The following DMD variants were observed in gnomAD, a reference collection of about 807,000 sequenced individuals.
DMD encodes the protein dystrophin, also known as mutant dystrophin.
In DMD, 63 loss-of-function variants were observed where a neutral mutation model predicts 330.1. The observed-to-expected ratio is 0.19, with a 90% CI of 0.16 to 0.24. DMD has a LOEUF of 0.24. Among genes scored for constraint, DMD ranks in the 10% least tolerant of loss-of-function variants. The pLI, the probability that DMD is intolerant of heterozygous loss-of-function variation, is 1.00. For synonymous variants in DMD, 1,223 were observed against 959.8 expected (o/e 1.27, Z -5.07); for missense variants, 3,344 against 2,684.1 (o/e 1.25, Z -5.43).
At chrX:31,153,102 G>C (rs1205774797) in intron 74 of DMD, among the ~76,000 whole-genome samples, 3 of 111,718 alleles carry the variant, frequency 2.7e-5, no homozygotes. Flanking sequence ...TCTGTTGGTA[G>C]TTTGCAGCTC....
chrX:32,537,372 A>C (rs909822017), intron 17 of DMD, among the ~76,000 whole-genome samples: 1 of 111,690 alleles, frequency 9.0e-6, no homozygotes, highest in Admixed American at 9.5e-5. Context: ...AAAGCATCAT[A>C]AGAAGAAAAT....
intron 16 of DMD, among the ~76,000 whole-genome samples, chrX:32,564,166 A>C (rs1205263937): frequency 8.9e-6 from 1 of 111,864 alleles, no homozygotes; most frequent in Non-Finnish European, 1.9e-5. Flanking sequence ...TATGCATTTT[A>C]ATTAGCTCCT....
intron 44 of DMD, among the ~76,000 whole-genome samples, chrX:32,144,859 CCT>C (rs1171622836): frequency 9.0e-6 from 1 of 110,685 alleles, no homozygotes; most frequent in Non-Finnish European, 1.9e-5. Context: ...ATGGTGAACC[CCT>C]GTCTCTACTA....
chrX:32,325,173 G>A (rs1345653548), intron 41 of DMD, among the ~76,000 whole-genome samples: 2 of 110,866 alleles, frequency 1.8e-5, no homozygotes, highest in African/African-American at 6.5e-5. Flanking sequence ...AGATATCTAA[G>A]ACTAAACTAT....
At chrX:33,304,211 A>G (rs778799318) in intron 1 of DMD, among the ~76,000 whole-genome samples, 1 of 111,586 alleles carries the variant, frequency 9.0e-6, no homozygotes, top group Non-Finnish European at 1.9e-5. Flanking sequence ...CTGGTACCAA[A>G]ACAGAGATAC....
intron 55 of DMD, among the ~76,000 whole-genome samples, chrX:31,525,178 C>T (rs1017447783): frequency 5.4e-5 from 6 of 110,946 alleles, no homozygotes; most frequent in Non-Finnish European, 9.4e-5. Flanking sequence ...ACACATGGGG[C>T]GAATAAAATC....
At chrX:32,370,746 G>A (rs1392424646) in intron 34 of DMD, among the ~76,000 whole-genome samples, 1 of 110,836 alleles carries the variant, frequency 9.0e-6, no homozygotes, top group Non-Finnish European at 1.9e-5. Flanking sequence ...TTTAGAGTAA[G>A]TAATAGTTCT....
intron 44 of DMD, among the ~76,000 whole-genome samples, chrX:32,044,613 G>A (rs779599745): frequency 9.1e-6 from 1 of 109,423 alleles, no homozygotes; most frequent in Non-Finnish European, 1.9e-5. Flanking sequence ...TAGTAGAGAC[G>A]GGGTTTCACT....
At chrX:33,130,663 T>C (rs1323299156) in intron 1 of DMD, among the ~76,000 whole-genome samples, 1 of 109,767 alleles carries the variant, frequency 9.1e-6, no homozygotes, top group East Asian at 2.9e-4. Context: ...CAAGCGATTC[T>C]CCTGCCTCAG....
chrX:32,162,590 C>CTT (rs3040088), intron 44 of DMD, among the ~76,000 whole-genome samples: 1,325 of 43,259 alleles, frequency 0.031, 160 homozygotes, highest in Admixed American at 0.039. Context: ...AAGCAACAAG[C>CTT]TTTTTTTTTT....
At chrX:32,934,156 C>A (rs1456265702) in intron 2 of DMD, among the ~76,000 whole-genome samples, 4 of 111,572 alleles carry the variant, frequency 3.6e-5, no homozygotes, top group Non-Finnish European at 3.8e-5. Context: ...TTGAGAGTTT[C>A]AGTAAAACTA....
At chrX:32,476,224 G>A (rs963319044) in intron 21 of DMD, among the ~76,000 whole-genome samples, 2 of 111,129 alleles carry the variant, frequency 1.8e-5, no homozygotes, top group African/African-American at 6.5e-5. Context: ...AAACACTTCA[G>A]TCTCTGAATT....
At chrX:31,479,565 C>G (rs748024743) in intron 57 of DMD, among the ~76,000 whole-genome samples, 25 of 112,427 alleles carry the variant, frequency 2.2e-4, no homozygotes, top group Non-Finnish European at 3.8e-5. Context: ...AACTGACAAT[C>G]ACCAGTTAAT....
At chrX:31,993,357 C>T (rs73449952) in intron 44 of DMD, among the ~76,000 whole-genome samples, 1 of 111,713 alleles carries the variant, frequency 9.0e-6, no homozygotes, top group African/African-American at 3.3e-5. Flanking sequence ...AACCCCTTAG[C>T]GGTTTCAAAT....
intron 7 of DMD, among the ~76,000 whole-genome samples, chrX:32,799,183 A>G (rs968821249): frequency 9.0e-6 from 1 of 111,533 alleles, no homozygotes; most frequent in Non-Finnish European, 1.9e-5. Context: ...GAAGGCTATA[A>G]AAACAACTCA....
intron 17 of DMD, among the ~76,000 whole-genome samples, chrX:32,528,797 G>C (rs2047164256): frequency 9.1e-6 from 1 of 109,700 alleles, no homozygotes; most frequent in African/African-American, 3.3e-5. Flanking sequence ...CAGGTCTTTA[G>C]ACAAACTCAA....
chrX:31,221,959 G>A (rs185364491), intron 64 of DMD, among the ~76,000 whole-genome samples: 2,643 of 111,292 alleles, frequency 0.024, 55 homozygotes, highest in African/African-American at 0.074. Flanking sequence ...TTGGGAGGCC[G>A]AGGAGGGCGG....
intron 47 of DMD, among the ~76,000 whole-genome samples, chrX:31,896,973 C>T (rs1049301902): frequency 8.3e-5 from 9 of 108,905 alleles, no homozygotes; most frequent in African/African-American, 3.0e-4. Flanking sequence ...GCACATTGTG[C>T]AGGTTAGTTA....
At chrX:31,726,340 T>C (rs2086054534) in intron 52 of DMD, among the ~76,000 whole-genome samples, 1 of 112,353 alleles carries the variant, frequency 8.9e-6, no homozygotes, top group Admixed American at 9.4e-5. Context: ...AATAACTATG[T>C]ATAGATTTTC....
Sources: allele counts gnomAD v4.1 joint callset (sites outside exome capture counted in the v4.1 genomes callset), GRCh38; gene constraint gnomAD v4.1.1; transcripts MANE v1.5; gene names NCBI Gene and HGNC (gene_info 2026-07-23, HGNC 2026-07-21).